SLCO2A1: variants seen among roughly 807,000 people sequenced by gnomAD.
SLCO2A1 encodes the protein solute carrier organic anion transporter family member 2A1.
Under a neutral mutation model 71.7 loss-of-function variants are expected in SLCO2A1, and 60 were observed. The observed-to-expected ratio is 0.84, with a 90% CI of 0.68 to 1.04. The LOEUF (loss-of-function observed/expected upper bound fraction) is 1.04. Among genes scored for constraint, SLCO2A1 ranks in the 50% least tolerant of loss-of-function variants. The pLI is 0.00. For synonymous variants in SLCO2A1, 308 were observed against 326.7 expected (o/e 0.94, Z 0.62); for missense variants, 745 against 813.4 (o/e 0.92, Z 1.02).
rs1933225919 is a variant in SLCO2A1 at position 133,934,782 on chromosome 3, A to G, written c.1863T>C (p.Leu621=). The part of the protein sequence containing the change: ...MGYKALGMLL[L]CFISWRVKKN... ...TCTTCACCCTCCAGCTGATGAAGCAAAGCAGCAGCATGCCCAGCGCCTTGT... is the reference window on the plus strand; with the variant it reads ...TCTTCACCCTCCAGCTGATGAAGCAGAGCAGCAGCATGCCCAGCGCCTTGT... Residue 621 remains leucine, a synonymous_variant, in exon 14 of 14, where the codon CTT becomes CTC. Transcript: ENST00000310926. The G allele has an allele frequency of 3.7e-6, 6 of 1,612,988 alleles. No individual in the cohort carries two copies. The highest frequency in any genetic ancestry group is 5.1e-6 in the Non-Finnish European group (6 of 1,179,950).
intron 1 of SLCO2A1, among the ~76,000 whole-genome samples, chr3:134,009,450 A>C (rs1404989454): frequency 1.3e-5 from 2 of 152,160 alleles, no homozygotes; most frequent in Non-Finnish European, 2.9e-5. Context: ...TTATTTATTG[A>C]CTCTCTGATT....
At chr3:134,016,367 G>T (rs1185129932) in intron 1 of SLCO2A1, among the ~76,000 whole-genome samples, 1 of 151,812 alleles carries the variant, frequency 6.6e-6, no homozygotes, top group East Asian at 1.9e-4. Context: ...TAGAAGATGG[G>T]CAAAATATAG....
At position 133,954,970 on chromosome 3, in the gene SLCO2A1, G is replaced by T. The variant is rs778081416; in HGVS notation, c.621C>A (p.Tyr207Ter). ...CTCTTCAAGCCGGTGACTCACAGAT[G>T]TACAGGGGCGAGTTGCTGGGCTCTG... ...DFSEPSNSPL[Y>*]ISILFAISVF... Residue 207 changes from tyrosine (Y) to a stop codon, truncating the protein, a stop_gained, in exon 4 of 14, where the codon TAC (tyrosine) becomes TAA (stop). Coordinates refer to ENST00000310926, the MANE Select transcript of SLCO2A1 (RefSeq NM_005630.3). LOFTEE classifies it high-confidence loss of function. 6.2e-7 allele frequency: 1 copy of T among 1,613,716 alleles called. No individual in the cohort carries two copies. The highest frequency in any genetic ancestry group is 2.2e-5 in the East Asian group (1 of 44,890).
chr3:134,014,398 A>G (rs908303279), intron 1 of SLCO2A1, among the ~76,000 whole-genome samples: 1 of 152,042 alleles, frequency 6.6e-6, no homozygotes, highest in African/African-American at 2.4e-5. Flanking sequence ...GTATCATCCC[A>G]TCCTTCAACC....
At chr3:133,996,546 C>G (rs550800393) in intron 1 of SLCO2A1, among the ~76,000 whole-genome samples, 2 of 152,200 alleles carry the variant, frequency 1.3e-5, no homozygotes, top group Non-Finnish European at 2.9e-5. Context: ...CTGAACCTCA[C>G]GACACTGGCA....
chr3:133,937,091 C>T (rs538170742), intron 12 of SLCO2A1, among the ~76,000 whole-genome samples: 15 of 152,230 alleles, frequency 9.9e-5, no homozygotes, highest in African/African-American at 3.6e-4. Context: ...GTGCTTCAAG[C>T]AGTGCGAGAG....
rs1261810683 is a variant in SLCO2A1 at position 133,973,841 on chromosome 3, A to G, written c.235-16T>C. 1.2e-6 allele frequency: 2 copies of G among 1,608,912 alleles called. No individual in the cohort carries two copies. The highest frequency in any genetic ancestry group is 3.4e-5 in the Admixed American group (2 of 59,490). On this transcript the variant is annotated splice_polypyrimidine_tract_variant and intron_variant, in intron 2 of 13. Coordinates refer to ENST00000310926, the MANE Select transcript of SLCO2A1 (RefSeq NM_005630.3). ...CATTGCTGATCTGAGAAGAGAGCAG[A>G]AGGGCTGAGTGAGACAAGAGGCCCT...
At chr3:134,027,369 A>G (rs868564534) in intron 1 of SLCO2A1, among the ~76,000 whole-genome samples, 7 of 152,228 alleles carry the variant, frequency 4.6e-5, no homozygotes, top group African/African-American at 1.7e-4. Flanking sequence ...CAGACATTGT[A>G]CAGAAAAGCA....
chr3:133,966,777 G>A (rs80058470), intron 3 of SLCO2A1, among the ~76,000 whole-genome samples: 2,362 of 152,308 alleles, frequency 0.016, 36 homozygotes, highest in South Asian at 0.064. Flanking sequence ...AGGCTTCAGG[G>A]CCACAGGAGA....
intron 1 of SLCO2A1, among the ~76,000 whole-genome samples, chr3:134,025,697 A>G (rs1935688690): frequency 6.6e-6 from 1 of 152,206 alleles, no homozygotes; most frequent in African/African-American, 2.4e-5. Flanking sequence ...ACCTTCAGAA[A>G]GGAAAAAATG....
At chr3:133,943,814 G>A (rs374194138) in intron 10 of SLCO2A1, among the ~76,000 whole-genome samples, 56 of 152,214 alleles carry the variant, frequency 3.7e-4, no homozygotes, top group Non-Finnish European at 7.1e-4. Context: ...TGGGAGCCAC[G>A]CTCCTTCGCC....
chr3:134,010,472 G>A (rs1480720011), intron 1 of SLCO2A1, among the ~76,000 whole-genome samples: 2 of 152,032 alleles, frequency 1.3e-5, no homozygotes, highest in Non-Finnish European at 2.9e-5. Context: ...ATCAGATCTC[G>A]GCCGGGCGCG....
At chr3:133,982,359 A>T (rs1934614929) in intron 1 of SLCO2A1, among the ~76,000 whole-genome samples, 2 of 152,156 alleles carry the variant, frequency 1.3e-5, no homozygotes, top group African/African-American at 4.8e-5. Context: ...GCTCATAGGC[A>T]ATCCCATTTG....
In SLCO2A1 at chr3:134,029,115, G is replaced by A. The variant is rs1385157736; in HGVS notation, c.96+592C>T. ...CCAGCCTGGGGAAGCCGCCCGCTGAGAGGGAATTCTAAACATAACTGCGAG... is the reference window on the plus strand; with the variant it reads ...CCAGCCTGGGGAAGCCGCCCGCTGAAAGGGAATTCTAAACATAACTGCGAG... On this transcript the variant is annotated intron_variant, in intron 1 of 13. Transcript: ENST00000310926. 2.0e-5 allele frequency among the ~76,000 whole-genome samples: 3 copies of A among 152,152 alleles called. No individual in the cohort carries two copies. In the East Asian group the frequency reaches 5.8e-4, roughly 29 times the overall value.
chr3:133,936,385 G>A (rs538482226), intron 12 of SLCO2A1, among the ~76,000 whole-genome samples: 8 of 152,246 alleles, frequency 5.3e-5, no homozygotes, highest in Admixed American at 2.6e-4. Flanking sequence ...ATGGAGGTTC[G>A]AATCCCATGT....
chr3:134,007,143 C>G (rs1576456954), intron 1 of SLCO2A1, among the ~76,000 whole-genome samples: 1 of 152,160 alleles, frequency 6.6e-6, no homozygotes, highest in Non-Finnish European at 1.5e-5. Context: ...AATGTCTATT[C>G]AAGTCCTTTG....
chr3:134,011,473 T>C (rs1041789924), intron 1 of SLCO2A1, among the ~76,000 whole-genome samples: 1 of 152,230 alleles, frequency 6.6e-6, no homozygotes, highest in Admixed American at 6.5e-5. Flanking sequence ...GAAGGCAGCG[T>C]CCTGATATCA....
At chr3:133,984,681 C>CT (rs1934670322) in intron 1 of SLCO2A1, among the ~76,000 whole-genome samples, 1 of 152,174 alleles carries the variant, frequency 6.6e-6, no homozygotes, top group African/African-American at 2.4e-5. Context: ...AAGCCCATCC[C>CT]TTGAGGAGGA....
chr3:133,948,737 C>G, intron 7 of SLCO2A1, 37 bp from the exon 8 acceptor site: 1 of 1,606,732 alleles, frequency 6.2e-7, no homozygotes, highest in Admixed American at 1.7e-5. Context: ...TGGCAGAACC[C>G]CTGGGCTGCA....
Sources: allele counts gnomAD v4.1 joint callset (sites outside exome capture counted in the v4.1 genomes callset), GRCh38; gene constraint gnomAD v4.1.1; transcripts MANE v1.5; gene names NCBI Gene and HGNC (gene_info 2026-07-23, HGNC 2026-07-21).